Variants in SLC66A2 observed in about 807,000 individuals in gnomAD.
SLC66A2 encodes the protein solute carrier family 66 member 2.
SLC66A2 carries 23 observed loss-of-function variants against 25.5 expected under a neutral mutation model. The ratio of observed to expected loss-of-function variants is 0.90; its 90% CI spans 0.65 to 1.28. The LOEUF is 1.28. SLC66A2 is among the 50% of genes most tolerant of loss of function. The probability of loss-of-function intolerance (pLI) is 0.00; values close to 1 mark genes in which losing one functional copy is unlikely to be tolerated. For synonymous variants in SLC66A2, 193 were observed against 166.5 expected, an observed-to-expected ratio of 1.16 and a Z score of -1.23; for missense variants, 396 against 373.1, an observed-to-expected ratio of 1.06 and a Z score of -0.51.
intron 5 of SLC66A2, among the ~76,000 whole-genome samples, chr18:79,909,031 A>C (rs137967286): frequency 1.9e-4 from 29 of 152,308 alleles, no homozygotes; most frequent in African/African-American, 6.7e-4. Context: ...TCAACTCTTC[A>C]TACATAACTT....
chr18:79,935,088 T>A (rs991085429), intron 3 of SLC66A2, among the ~76,000 whole-genome samples: 3 of 131,638 alleles, frequency 2.3e-5, no homozygotes, highest in Admixed American at 7.8e-5. Context: ...TTAGACAACA[T>A]CCCTCTCCAC....
At position 79,927,097 on chromosome 18, in the gene SLC66A2, G is replaced by A. The variant is rs1279485308; in HGVS notation, c.391+6872C>T. ...AGGCTCACCTGACCTCCTGCAAGCTGCCCTTCAGGGCAGGTCCCAGCCCTA... is the reference window on the plus strand; with the variant it reads ...AGGCTCACCTGACCTCCTGCAAGCTACCCTTCAGGGCAGGTCCCAGCCCTA... On this transcript the variant is annotated intron_variant, in intron 4 of 5. Transcript: ENST00000397778. This position sits in a 1 kb window ranked among gnomAD's most constrained non-coding sequence, Gnocchi z 6.2. Among the ~76,000 whole-genome samples the A allele has an allele frequency of 6.6e-6, 1 of 152,244 alleles. No homozygotes were observed. The highest frequency in any genetic ancestry group is 1.5e-5 in the Non-Finnish European group (1 of 68,048).
chr18:79,914,331 C>T (rs1299667101), intron 5 of SLC66A2, among the ~76,000 whole-genome samples: 1 of 152,204 alleles, frequency 6.6e-6, no homozygotes, highest in African/African-American at 2.4e-5. Context: ...ATTCAGAAAC[C>T]ACTACCCACA....
chr18:79,903,833 CCA>C lies in SLC66A2; in HGVS notation c.*141_*142del. On this transcript the variant is annotated 3_prime_UTR_variant, in exon 6 of 6. Coordinates refer to ENST00000397778, the MANE Select transcript of SLC66A2 (RefSeq NM_025078.5). ...CCCCCACTGCCCACCCTGAGACACC[CCA>C]CAGAGGCTGATGGAGACCCCAATGC... is the stretch of plus-strand genomic sequence containing the variant. 1.4e-6 allele frequency: 1 copy of C among 692,586 alleles called. No individual in the cohort carries two copies. Among genetic ancestry groups the C allele is most frequent in the Non-Finnish European group, 2.3e-6 (1 of 427,066 alleles). 42.9% of individuals were successfully genotyped at this position (692,586 alleles called of 1,614,324 possible).
At chr18:79,938,618 T>C (rs550711806) in intron 3 of SLC66A2, among the ~76,000 whole-genome samples, 10 of 152,358 alleles carry the variant, frequency 6.6e-5, no homozygotes, top group Non-Finnish European at 2.9e-5. Flanking sequence ...TTGGAAAGCA[T>C]GCCACGAGGT....
chr18:79,932,475 A>AAAAG (rs34267076), intron 4 of SLC66A2, among the ~76,000 whole-genome samples: 22,343 of 151,638 alleles, frequency 0.15, 1,771 homozygotes, highest in South Asian at 0.22. Context: ...TTGTGTTAAA[A>AAAAG]AAAGAAAGAA....
At position 79,950,786 on chromosome 18, in the gene SLC66A2, G is replaced by A. The variant is rs1423671115; in HGVS notation, c.141C>T (p.Asp47=). The change falls in exon 2 of 6, where the codon GAC becomes GAT. Residue 47 remains aspartate (D), a synonymous_variant. Coordinates refer to ENST00000397778, the MANE Select transcript of SLC66A2 (RefSeq NM_025078.5). ...CCAGGCACACGTAGGTGGAGAAGCC[G>A]TCGGCGTTCTGCGTCCTGCGAATGT... is the stretch of plus-strand genomic sequence containing the variant. ...YRDIRRTQNA[D]GFSTYVCLVL... is the part of the protein sequence containing the mutation. The A allele has an allele frequency of 1.9e-6, 3 of 1,613,222 alleles. No individual in the cohort carries two copies. The highest frequency in any genetic ancestry group is 2.5e-6 in the Non-Finnish European group (3 of 1,180,000).
At chr18:79,905,138 C>T (rs935065357) in intron 5 of SLC66A2, among the ~76,000 whole-genome samples, 7 of 152,198 alleles carry the variant, frequency 4.6e-5, no homozygotes, top group African/African-American at 1.4e-4. Context: ...CCACAGTGCT[C>T]GGCTCTAGAG....
chr18:79,947,682 G>A (rs1474349039), intron 2 of SLC66A2, among the ~76,000 whole-genome samples: 2 of 38,230 alleles, frequency 5.2e-5, no homozygotes, highest in Non-Finnish European at 1.2e-4. Context: ...CCCAAACACC[G>A]AGTGTGCCTG....
chr18:79,948,166 G>A (rs184980787), intron 2 of SLC66A2, among the ~76,000 whole-genome samples: 24 of 152,298 alleles, frequency 1.6e-4, no homozygotes, highest in Non-Finnish European at 1.2e-4. Flanking sequence ...TCCCTGGAAG[G>A]CTGCCCTGTG....
intron 4 of SLC66A2, among the ~76,000 whole-genome samples, chr18:79,924,243 T>C (rs1985651286): frequency 1.3e-5 from 2 of 151,168 alleles, no homozygotes; most frequent in African/African-American, 4.9e-5. Flanking sequence ...CACAGTGGAG[T>C]ATTAGCCACA....
rs561503238 is a variant in SLC66A2 at position 79,943,397 on chromosome 18, A to G, written c.269T>C (p.Leu90Pro). 3 of 1,614,200 alleles carry G rather than the reference A, an allele frequency of 1.9e-6. No individual in the cohort carries two copies. The South Asian group carries it at 3.3e-5, about 18-fold the overall frequency. Residue 90 changes from leucine to proline, a missense_variant, in exon 3 of 6, where the codon CTG (leucine) becomes CCG (proline). Leu to Pro is a moderately conservative substitution (Grantham distance 98, BLOSUM62 -3). Coordinates refer to ENST00000397778, the MANE Select transcript of SLC66A2 (RefSeq NM_025078.5). ...QSAIMILTMLLMLKLCTEVRV... is the reference protein window; with the variant it reads ...QSAIMILTMLPMLKLCTEVRV... ...GACCTCGGTGCACAGCTTCAGCATC[A>G]GCAGCATGGTCAGGATCATGATGGC...
At chr18:79,934,490 A>C (rs1383244465) in intron 3 of SLC66A2, among the ~76,000 whole-genome samples, 1 of 152,198 alleles carries the variant, frequency 6.6e-6, no homozygotes, top group Non-Finnish European at 1.5e-5. Context: ...TTTTCAGAGT[A>C]CACTCTGCTG....
At chr18:79,935,697 C>A (rs1015167899) in intron 3 of SLC66A2, among the ~76,000 whole-genome samples, 5 of 152,260 alleles carry the variant, frequency 3.3e-5, no homozygotes, top group Admixed American at 2.6e-4. Flanking sequence ...TGTGAGGAAG[C>A]CCAGGTCTCA....
chr18:79,910,260 T>C (rs1326738794), intron 5 of SLC66A2, among the ~76,000 whole-genome samples: 6 of 106,008 alleles, frequency 5.7e-5, no homozygotes, highest in Non-Finnish European at 1.1e-4. Context: ...TTCCCCACCA[T>C]CTCACACCAG....
At chr18:79,936,754 G>GA (rs1987130143) in intron 3 of SLC66A2, among the ~76,000 whole-genome samples, 1 of 152,250 alleles carries the variant, frequency 6.6e-6, no homozygotes, top group African/African-American at 2.4e-5. Flanking sequence ...GTGCACCCCT[G>GA]ACAAGGTGCG....
Position 79,904,296 on chromosome 18 carries a change from G to T in SLC66A2, c.609-113C>A. The T allele has an allele frequency of 4.3e-6, 4 of 926,948 alleles. No homozygotes were observed. The South Asian group carries it at 5.8e-5, about 13-fold the overall frequency. 57.4% of individuals were successfully genotyped at this position (926,948 alleles called of 1,614,324 possible). On this transcript the variant is annotated intron_variant, in intron 5 of 5. Transcript: ENST00000397778. The surrounding 1 kb of genome is among the most constrained non-coding windows in gnomAD (Gnocchi z 6.3). The stretch of plus-strand genomic sequence containing the variant: ...GAGACCTGGGGCTCAGGGGCACCCA[G>T]GGGGCTAAGGGGACCCCCAGGCAGT...
Position 79,930,626 on chromosome 18 carries a change from T to C in SLC66A2, c.391+3343A>G, listed in dbSNP as rs375333076. Among the ~76,000 whole-genome samples, 17 of 152,318 alleles carry C rather than the reference T, an allele frequency of 1.1e-4. No homozygotes were observed. The East Asian group carries it at 1.5e-3, about 14-fold the overall frequency. ...CTGCATGAAACAATATGCATTGTAT[T>C]GTTTGGGGGCCTTTAACATAAAGAA... On this transcript the variant is annotated intron_variant, in intron 4 of 5. Transcript: ENST00000397778.
At position 79,903,736 on chromosome 18, in the gene SLC66A2, A is replaced by G. The variant is rs1379889016; in HGVS notation, c.*240T>C. On this transcript the variant is annotated 3_prime_UTR_variant, in exon 6 of 6. Coordinates refer to ENST00000397778, the MANE Select transcript of SLC66A2 (RefSeq NM_025078.5). ...ACACTTGCTTTTTATGTCATCCTAA[A>G]AACATCCAAAACCCTCGGGGCCAGA... 2 of 519,846 alleles carry G rather than the reference A, an allele frequency of 3.8e-6. No individual in the cohort carries two copies. Among genetic ancestry groups the G allele is most frequent in the African/African-American group, 4.0e-5 (2 of 49,750 alleles). 32.2% of individuals were successfully genotyped at this position (519,846 alleles called of 1,614,324 possible). A position where few individuals can be genotyped will look rare whatever the true frequency, so the allele number is the denominator to read the frequency against.
Sources: allele counts gnomAD v4.1 joint callset (sites outside exome capture counted in the v4.1 genomes callset), GRCh38; gene constraint gnomAD v4.1.1; non-coding constraint Gnocchi (gnomAD v3.1); transcripts MANE v1.5; gene names NCBI Gene and HGNC (gene_info 2026-07-23, HGNC 2026-07-21).